Variants in CPA6 observed in about 807,000 individuals in gnomAD.
The protein encoded by CPA6 is carboxypeptidase B.
In CPA6, 58 loss-of-function variants were observed where a neutral mutation model predicts 63.3. The ratio of observed to expected loss-of-function variants is 0.92; its 90% CI spans 0.74 to 1.14. CPA6 has a LOEUF of 1.14. CPA6 is among the 50% of genes most tolerant of loss of function. The pLI is 0.00. For missense variants in CPA6, 565 were observed against 526.6 expected (o/e 1.07, Z -0.71); for synonymous variants, 185 against 179.0 (o/e 1.03, Z -0.27).
chr8:67,430,454 T>C (rs2128951721), intron 9 of CPA6, among the ~76,000 whole-genome samples: 1 of 152,242 alleles, frequency 6.6e-6, no homozygotes, highest in Non-Finnish European at 1.5e-5. Context: ...CAAAATAGTA[T>C]ATATTTTTAT....
chr8:67,546,072 G>C (rs6983606), intron 2 of CPA6, among the ~76,000 whole-genome samples: 5,329 of 152,230 alleles, frequency 0.035, 233 homozygotes, highest in African/African-American at 0.11. Flanking sequence ...GGTCTTGCTT[G>C]CTTCCTTACT....
chr8:67,494,205 G>GT (rs929425942), intron 6 of CPA6, among the ~76,000 whole-genome samples: 121 of 148,458 alleles, frequency 8.2e-4, no homozygotes, highest in Non-Finnish European at 1.1e-3. Flanking sequence ...GTCCATGCTG[G>GT]TTTTTTTTTT....
chr8:67,646,495 G>A (rs1375170311), intron 1 of CPA6, among the ~76,000 whole-genome samples: 3 of 152,174 alleles, frequency 2.0e-5, no homozygotes, highest in Non-Finnish European at 4.4e-5. Flanking sequence ...CACTCCAACC[G>A]AGCAAACCTC....
chr8:67,445,863 T>C (rs975595788), intron 8 of CPA6, among the ~76,000 whole-genome samples: 1 of 152,022 alleles, frequency 6.6e-6, no homozygotes, highest in African/African-American at 2.4e-5. Context: ...ATTCAAAAAA[T>C]ACATGGAAAA....
intron 2 of CPA6, among the ~76,000 whole-genome samples, chr8:67,540,024 TC>T (rs1812670446): frequency 6.6e-6 from 1 of 152,124 alleles, no homozygotes; most frequent in African/African-American, 2.4e-5. Context: ...TCATTCTCCA[TC>T]CAGTTTTGTT....
chr8:67,606,306 A>T (rs1342623911), intron 2 of CPA6, among the ~76,000 whole-genome samples: 1 of 152,074 alleles, frequency 6.6e-6, no homozygotes, highest in African/African-American at 2.4e-5. Flanking sequence ...CATTGTGCAC[A>T]TGTGCCCTAA....
intron 2 of CPA6, among the ~76,000 whole-genome samples, chr8:67,594,204 G>T (rs180832825): frequency 6.6e-4 from 100 of 152,164 alleles, no homozygotes; most frequent in African/African-American, 1.8e-3. Flanking sequence ...GAATGTTGAA[G>T]ATTGGCCCCC....
intron 2 of CPA6, among the ~76,000 whole-genome samples, chr8:67,613,384 C>G (rs1209208734): frequency 6.6e-6 from 1 of 152,162 alleles, no homozygotes; most frequent in Non-Finnish European, 1.5e-5. Flanking sequence ...CTACTATTGC[C>G]AGGCACTAGG....
At chr8:67,518,765 C>A (rs1025637089) in intron 2 of CPA6, among the ~76,000 whole-genome samples, 1 of 152,028 alleles carries the variant, frequency 6.6e-6, no homozygotes, top group African/African-American at 2.4e-5. Flanking sequence ...CCCTTCTTGG[C>A]CTCCTGAAGT....
intron 1 of CPA6, among the ~76,000 whole-genome samples, chr8:67,630,800 C>T (rs73251055): frequency 0.29 from 44,535 of 152,154 alleles, 6,569 homozygotes; most frequent in Middle Eastern, 0.39. Context: ...CCGCAGGCTC[C>T]GCGGCCCCGC....
At chr8:67,731,828 T>A (rs186100294) in intron 1 of CPA6, among the ~76,000 whole-genome samples, 1 of 152,146 alleles carries the variant, frequency 6.6e-6, no homozygotes. Flanking sequence ...ACACTGGAAG[T>A]TCTTTGGTTT....
At chr8:67,455,733 G>GT (rs1320084317) in intron 8 of CPA6, among the ~76,000 whole-genome samples, 1 of 88,386 alleles carries the variant, frequency 1.1e-5, no homozygotes, top group African/African-American at 4.4e-5. Flanking sequence ...TTTGTTTTTT[G>GT]TTTTTTAAAA....
intron 1 of CPA6, among the ~76,000 whole-genome samples, chr8:67,708,417 C>T (rs139133099): frequency 1.5e-4 from 23 of 152,180 alleles, no homozygotes; most frequent in East Asian, 1.4e-3. Context: ...AAGTTGTTTT[C>T]GAGTTTTTGT....
intron 1 of CPA6, among the ~76,000 whole-genome samples, chr8:67,637,438 CT>C: frequency 6.6e-6 from 1 of 151,736 alleles, no homozygotes; most frequent in South Asian, 2.1e-4. Flanking sequence ...GTCTCAAGGA[CT>C]TGCTATATAT....
At chr8:67,585,662 A>AGATATATAT (rs1813910909) in intron 2 of CPA6, among the ~76,000 whole-genome samples, 1 of 152,162 alleles carries the variant, frequency 6.6e-6, no homozygotes, top group Admixed American at 6.5e-5. Context: ...TAGATATATA[A>AGATATATAT]GTATTAATGT....
intron 1 of CPA6, among the ~76,000 whole-genome samples, chr8:67,644,084 T>C (rs1438077107): frequency 6.6e-6 from 1 of 151,910 alleles, no homozygotes; most frequent in Non-Finnish European, 1.5e-5. Flanking sequence ...AAAGACCGCA[T>C]GGTTGCCATT....
intron 2 of CPA6, among the ~76,000 whole-genome samples, chr8:67,571,575 CA>C (rs1813486728): frequency 6.6e-6 from 1 of 151,698 alleles, no homozygotes; most frequent in Non-Finnish European, 1.5e-5. Flanking sequence ...AAATAAATGT[CA>C]AAAAACATAC....
chr8:67,706,466 C>T lies in CPA6; in HGVS notation c.116+39548G>A, dbSNP rs75566005. Among the ~76,000 whole-genome samples, 1,042 of 151,654 alleles carry T rather than the reference C, an allele frequency of 6.9e-3. 7 individuals are homozygous for T. Among genetic ancestry groups the T allele is most frequent in the African/African-American group, 0.024 (982 of 41,350 alleles). On this transcript the variant is annotated intron_variant, in intron 1 of 10. Transcript: ENST00000297770. ...AAAGGCATGTGAAGAAAGTAGAACA[C>T]GTTTCTGGTAAAAGATTACAAGAAA...
At chr8:67,448,622 AC>A (rs2128955340) in intron 8 of CPA6, among the ~76,000 whole-genome samples, 1 of 137,012 alleles carries the variant, frequency 7.3e-6, no homozygotes, top group East Asian at 2.3e-4. Flanking sequence ...ACAGAGTGAG[AC>A]CCTATCTCAA....
Sources: gnomAD v4.1 joint callset for allele counts (sites outside exome capture counted in the v4.1 genomes callset) on GRCh38, gnomAD v4.1.1 for gene constraint, MANE v1.5 for transcripts, NCBI Gene and HGNC (gene_info 2026-07-23, HGNC 2026-07-21) for gene names.